MID1: variants seen among roughly 807,000 people sequenced by gnomAD.
MID1 encodes midline 1, also known as E3 ubiquitin-protein ligase Midline-1.
In MID1, 7 loss-of-function variants were observed where a neutral mutation model predicts 40.4. That is an observed-to-expected ratio of 0.17 (90% CI 0.10 to 0.33). MID1 has a LOEUF of 0.33. MID1 is among the 10% of genes least tolerant of loss of function. The pLI is 1.00. For missense variants in MID1, 367 were observed against 558.5 expected (o/e 0.66, Z 3.46); for synonymous variants, 229 against 221.2 (o/e 1.04, Z -0.31).
At chrX:10,624,941 C>G (rs941046778), upstream of MID1, among the ~76,000 whole-genome samples, 1 of 112,295 alleles carries the variant, frequency 8.9e-6, no homozygotes, top group Non-Finnish European at 1.9e-5. Flanking sequence ...AATCTCCACT[C>G]CCAATTGAAC....
intron 1 of MID1, among the ~76,000 whole-genome samples, chrX:10,829,914 T>G (rs1302700426): frequency 8.9e-6 from 1 of 112,137 alleles, no homozygotes; most frequent in Non-Finnish European, 1.9e-5. Flanking sequence ...CAAGCCATTA[T>G]AAAAGCTCTC....
intron 1 of MID1, among the ~76,000 whole-genome samples, chrX:10,648,750 G>T (rs1936287895): frequency 9.0e-6 from 1 of 111,408 alleles, no homozygotes; most frequent in Non-Finnish European, 1.9e-5. Context: ...AGCTTCCCGT[G>T]TTGTTAGGCT....
chrX:10,725,724 T>C (rs1356248922), intron 1 of MID1, among the ~76,000 whole-genome samples: 6 of 111,483 alleles, frequency 5.4e-5, no homozygotes, highest in Non-Finnish European at 1.1e-4. Context: ...TTGGGCGTGG[T>C]GGGGTGCACC....
chrX:10,745,197 T>C (rs1042520760), intron 1 of MID1, among the ~76,000 whole-genome samples: 2 of 112,898 alleles, frequency 1.8e-5, no homozygotes, highest in Non-Finnish European at 3.7e-5. Flanking sequence ...GATGAGAAAA[T>C]GCATGTAAAT....
At chrX:10,792,932 C>T (rs932827242) in intron 1 of MID1, among the ~76,000 whole-genome samples, 2 of 111,574 alleles carry the variant, frequency 1.8e-5, no homozygotes, top group Admixed American at 9.5e-5. Context: ...CATTCTCATA[C>T]GATTTGGCAC....
chrX:10,592,274 T>TAAAAAA (rs144661774), intron 1 of MID1, among the ~76,000 whole-genome samples: 1 of 28,233 alleles, frequency 3.5e-5, no homozygotes, highest in Non-Finnish European at 5.9e-5. Flanking sequence ...GGGACTGCGT[T>TAAAAAA]AAAAAAAAAA....
At chrX:10,539,939 G>A (rs886893505) in intron 2 of MID1, among the ~76,000 whole-genome samples, 36 of 112,584 alleles carry the variant, frequency 3.2e-4, no homozygotes, top group African/African-American at 1.1e-3. Flanking sequence ...TGGGCTCGGT[G>A]CGGTGTTTCA....
intron 1 of MID1, among the ~76,000 whole-genome samples, chrX:10,577,641 C>CGT (rs1297018828): frequency 2.0e-5 from 2 of 98,121 alleles, no homozygotes; most frequent in Admixed American, 1.0e-4. Flanking sequence ...ATAAAAACAT[C>CGT]GTGTGTGTAT....
chrX:10,589,948 A>G (rs1192320206), intron 1 of MID1: 2 of 109,618 alleles, frequency 1.8e-5, no homozygotes, highest in African/African-American at 6.7e-5. Flanking sequence ...CTCCTGTCTC[A>G]AGAGCCGAGC....
At chrX:10,760,893 A>C (rs181872801) in intron 1 of MID1, among the ~76,000 whole-genome samples, 77 of 112,036 alleles carry the variant, frequency 6.9e-4, no homozygotes, top group African/African-American at 2.5e-3. Flanking sequence ...AGTGTCTGTT[A>C]ATCACTGTGA....
intron 1 of MID1, among the ~76,000 whole-genome samples, chrX:10,650,667 C>G (rs192358694): frequency 9.0e-6 from 1 of 111,698 alleles, no homozygotes; most frequent in East Asian, 2.8e-4. Flanking sequence ...CACACTTCCC[C>G]ATCTCCCGCT....
chrX:10,659,108 T>G (rs2042895292), intron 1 of MID1, among the ~76,000 whole-genome samples: 1 of 111,706 alleles, frequency 9.0e-6, no homozygotes, highest in Non-Finnish European at 1.9e-5. Context: ...CAACAAAGGA[T>G]CTCTTGATTC....
intron 3 of MID1, among the ~76,000 whole-genome samples, chrX:10,512,412 T>C (rs1402296185): frequency 8.9e-6 from 1 of 112,917 alleles, no homozygotes; most frequent in Non-Finnish European, 1.9e-5. Flanking sequence ...ATTTCTTTAC[T>C]GGCTGATTCT....
intron 3 of MID1, among the ~76,000 whole-genome samples, chrX:10,509,493 A>G (rs1343108408): frequency 9.0e-6 from 1 of 111,526 alleles, no homozygotes; most frequent in Non-Finnish European, 1.9e-5. Context: ...GGGGAAGGAA[A>G]GACCCACCTC....
chrX:10,654,885 A>C (rs2042859297), intron 1 of MID1, among the ~76,000 whole-genome samples: 1 of 112,512 alleles, frequency 8.9e-6, no homozygotes, highest in African/African-American at 3.2e-5. Context: ...TTCCACAAAT[A>C]TTGATTGAGT....
intron 1 of MID1, among the ~76,000 whole-genome samples, chrX:10,830,200 G>T (rs1824436438): frequency 8.9e-6 from 1 of 112,063 alleles, no homozygotes; most frequent in South Asian, 3.7e-4. Context: ...CTTGTTCATT[G>T]CCCACCAGTG....
intron 1 of MID1, among the ~76,000 whole-genome samples, chrX:10,723,223 AATT>A (rs1352168626): frequency 3.6e-5 from 4 of 111,801 alleles, no homozygotes; most frequent in Non-Finnish European, 7.5e-5. Context: ...ACCTGGAGAC[AATT>A]ATTTTCTCAC....
At chrX:10,527,466 C>T (rs1932854393) in intron 2 of MID1, among the ~76,000 whole-genome samples, 1 of 112,152 alleles carries the variant, frequency 8.9e-6, no homozygotes, top group African/African-American at 3.2e-5. Context: ...CAGAGAACTA[C>T]ATGAATGTCT....
chrX:10,685,652 G>A (rs2043090257), intron 1 of MID1, among the ~76,000 whole-genome samples: 1 of 111,143 alleles, frequency 9.0e-6, no homozygotes, highest in Admixed American at 9.6e-5. Flanking sequence ...TTTAGATCAG[G>A]CCCTTTTTGT....
Sources: allele counts gnomAD v4.1 joint callset (sites outside exome capture counted in the v4.1 genomes callset), GRCh38; gene constraint gnomAD v4.1.1; transcripts MANE v1.5; gene names NCBI Gene and HGNC (gene_info 2026-07-23, HGNC 2026-07-21).